IGSF11: variants seen among roughly 807,000 people sequenced by gnomAD.
IGSF11 encodes the protein CXADR like 1.
IGSF11 carries 22 observed loss-of-function variants against 41.0 expected under a neutral mutation model. The ratio of observed to expected loss-of-function variants is 0.54; its 90% confidence interval spans 0.38 to 0.77. The LOEUF (loss-of-function observed/expected upper bound fraction) is 0.77, where lower values mean the gene tolerates loss of function less well. IGSF11 is among the 30% of genes least tolerant of loss of function. The probability of loss-of-function intolerance (pLI) is 0.00; values close to 1 mark genes in which losing one functional copy is unlikely to be tolerated. For synonymous variants in IGSF11, 219 were observed against 201.3 expected (o/e 1.09, Z -0.74); for missense variants, 444 against 530.8 (o/e 0.84, Z 1.61).
intron 1 of IGSF11, among the ~76,000 whole-genome samples, chr3:119,119,976 T>C (rs1218273651): frequency 2.0e-5 from 3 of 152,202 alleles, no homozygotes; most frequent in Non-Finnish European, 4.4e-5. Flanking sequence ...TAGGGAATTT[T>C]AAAAAGCTCA....
intron 1 of IGSF11, among the ~76,000 whole-genome samples, chr3:119,015,612 T>C (rs979004597): frequency 2.0e-5 from 3 of 152,204 alleles, no homozygotes; most frequent in African/African-American, 7.2e-5. Context: ...TTTAGTACTA[T>C]CTCATTTTTT....
chr3:118,930,919 G>A (rs1174552091), intron 1 of IGSF11, among the ~76,000 whole-genome samples: 1 of 152,036 alleles, frequency 6.6e-6, no homozygotes, highest in Non-Finnish European at 1.5e-5. Flanking sequence ...ATAGCCAAAA[G>A]AATACTGAAA....
intron 1 of IGSF11, among the ~76,000 whole-genome samples, chr3:119,084,392 C>A (rs1365635228): frequency 2.0e-5 from 3 of 152,078 alleles, no homozygotes; most frequent in South Asian, 2.1e-4. Context: ...GCACCATAGA[C>A]CTCTGGGATC....
At chr3:119,038,874 G>A (rs531714608), upstream of IGSF11, among the ~76,000 whole-genome samples, 34 of 152,218 alleles carry the variant, frequency 2.2e-4, no homozygotes, top group Admixed American at 1.6e-3. Context: ...TTCACTTCCA[G>A]CAACAAAACA....
rs144523378 is a variant in IGSF11 at position 119,119,940 on chromosome 3, C to T, written c.-13-14735G>A. ...AAGTCATCTCTTGAATGTTTTGCTG[C>T]TTAATCTAGTTCTCAAGAATTTGCT... is the stretch of plus-strand genomic sequence containing the variant. On this transcript the variant is annotated intron_variant, in intron 1 of 7. Coordinates refer to the IGSF11 transcript ENST00000425327. 1.9e-3 allele frequency among the ~76,000 whole-genome samples: 286 copies of T among 152,318 alleles called. 2 individuals are homozygous for T. Among genetic ancestry groups the T allele is most frequent in the African/African-American group, 6.3e-3 (261 of 41,572 alleles).
intron 1 of IGSF11, among the ~76,000 whole-genome samples, chr3:118,931,737 A>ATTTTT (rs35532396): frequency 2.8e-5 from 4 of 142,892 alleles, no homozygotes; most frequent in South Asian, 2.2e-4. Flanking sequence ...AAAGTCACTG[A>ATTTTT]TTTTTTTTTT....
At chr3:119,111,061 T>G (rs886948535) in intron 1 of IGSF11, among the ~76,000 whole-genome samples, 3 of 152,058 alleles carry the variant, frequency 2.0e-5, no homozygotes, top group African/African-American at 7.2e-5. Context: ...ATCTGACAAT[T>G]ATGTGTCTTG....
At chr3:119,136,868 A>T (rs903006332) in intron 1 of IGSF11, among the ~76,000 whole-genome samples, 11 of 152,180 alleles carry the variant, frequency 7.2e-5, no homozygotes, top group African/African-American at 2.4e-4. Flanking sequence ...GAACTGATAA[A>T]CAAATTTAGT....
chr3:119,107,111 G>A (rs2077044695), upstream of IGSF11, among the ~76,000 whole-genome samples: 5 of 152,136 alleles, frequency 3.3e-5, no homozygotes, highest in South Asian at 1.0e-3. Flanking sequence ...TCAGTAATGG[G>A]ATGGCTGGGT....
chr3:118,970,894 A>C (rs989391844), intron 1 of IGSF11, among the ~76,000 whole-genome samples: 1 of 152,178 alleles, frequency 6.6e-6, no homozygotes, highest in Non-Finnish European at 1.5e-5. Flanking sequence ...TGAAAAAAAA[A>C]ATGTTTAGCT....
intron 1 of IGSF11, among the ~76,000 whole-genome samples, chr3:119,097,650 T>C (rs1469454759): frequency 2.0e-5 from 3 of 152,176 alleles, no homozygotes; most frequent in African/African-American, 4.8e-5. Context: ...ATCACCCAAC[T>C]CTTTTGTTTT....
chr3:119,075,079 T>C (rs967459357), intron 1 of IGSF11, among the ~76,000 whole-genome samples: 5 of 151,850 alleles, frequency 3.3e-5, no homozygotes, highest in Admixed American at 6.6e-5. Context: ...AAGATAGATA[T>C]ACCACTAGCT....
chr3:119,031,808 G>A (rs569710661), intron 1 of IGSF11, among the ~76,000 whole-genome samples: 1 of 152,294 alleles, frequency 6.6e-6, no homozygotes, highest in South Asian at 2.1e-4. Flanking sequence ...ATTTAGAGCT[G>A]ATAAATTGGA....
Position 118,905,631 on chromosome 3 carries a change from G to C in IGSF11, c.668C>G (p.Thr223Ser). The change falls in exon 5 of 7, where the codon ACC (threonine) becomes AGC (serine). Residue 223 changes from threonine to serine, a missense_variant. By Grantham distance (58) the Thr-to-Ser change is moderately conservative. Coordinates refer to ENST00000393775, the MANE Select transcript of IGSF11 (RefSeq NM_001015887.3). ...CTGGAGATCCAGAAGACAGGTGCTGGTTCCAATAGCATTAGAAGCCACGCA... is the reference window on the plus strand; with the variant it reads ...CTGGAGATCCAGAAGACAGGTGCTGCTTCCAATAGCATTAGAAGCCACGCA... ...YQCVASNAIG[T>S]STCLLDLQVI... The C allele has an allele frequency of 6.2e-7, 1 of 1,613,830 alleles. No individual in the cohort carries two copies. Among genetic ancestry groups the C allele is most frequent in the Non-Finnish European group, 8.5e-7 (1 of 1,179,788 alleles).
At chr3:118,916,433 CTA>C (rs1941102950) in intron 4 of IGSF11, among the ~76,000 whole-genome samples, 1 of 151,820 alleles carries the variant, frequency 6.6e-6, no homozygotes, top group African/African-American at 2.4e-5. Flanking sequence ...AAATGGAAAA[CTA>C]AAAAAGGCAG....
intron 1 of IGSF11, among the ~76,000 whole-genome samples, chr3:119,050,973 A>T (rs1941598502): frequency 7.5e-6 from 1 of 133,090 alleles, no homozygotes; most frequent in South Asian, 2.8e-4. Context: ...AGGAAGGGGA[A>T]CATCACACTC....
chr3:119,090,484 C>T (rs2076745408), intron 1 of IGSF11, among the ~76,000 whole-genome samples: 1 of 152,088 alleles, frequency 6.6e-6, no homozygotes, highest in African/African-American at 2.4e-5. Flanking sequence ...CTTCAAACTG[C>T]CCTATAAAGC....
intron 1 of IGSF11, among the ~76,000 whole-genome samples, chr3:119,120,769 A>G (rs1369869998): frequency 1.3e-5 from 2 of 152,232 alleles, no homozygotes; most frequent in African/African-American, 4.8e-5. Flanking sequence ...AAAAGAGGGC[A>G]GGAGACACCA....
At chr3:119,052,726 C>T (rs951493925) in intron 1 of IGSF11, among the ~76,000 whole-genome samples, 9 of 150,952 alleles carry the variant, frequency 6.0e-5, no homozygotes, top group African/African-American at 1.5e-4. Flanking sequence ...CCCTAATGAA[C>T]ATAGATGCAA....
Sources: allele counts gnomAD v4.1 joint callset (sites outside exome capture counted in the v4.1 genomes callset), GRCh38; gene constraint gnomAD v4.1.1; transcripts MANE v1.5; gene names NCBI Gene and HGNC (gene_info 2026-07-23, HGNC 2026-07-21).